ITSN1: variants seen among roughly 807,000 people sequenced by gnomAD.
ITSN1 encodes the protein intersectin-1.
In ITSN1, 58 loss-of-function variants were observed where a neutral mutation model predicts 239.8. That is an observed-to-expected ratio of 0.24 (90% confidence interval 0.20 to 0.30). The LOEUF is 0.30. Among genes scored for constraint, ITSN1 ranks in the 10% least tolerant of loss-of-function variants. The pLI, the probability that ITSN1 is intolerant of heterozygous loss-of-function variation, is 1.00. For synonymous variants in ITSN1, 780 were observed against 770.8 expected, an observed-to-expected ratio of 1.01 and a Z score of -0.20; for missense variants, 1,558 against 2,103.3, an observed-to-expected ratio of 0.74 and a Z score of 5.07.
At chr21:33,708,435 CTGGAG>C (rs913720014) in intron 1 of ITSN1, among the ~76,000 whole-genome samples, 1 of 151,930 alleles carries the variant, frequency 6.6e-6, no homozygotes, top group African/African-American at 2.4e-5. Context: ...GTTGCCCAGG[CTGGAG>C]TGCAATGGCG....
At chr21:33,644,614 G>A (rs975848329) in intron 1 of ITSN1, among the ~76,000 whole-genome samples, 2 of 151,750 alleles carry the variant, frequency 1.3e-5, no homozygotes, top group African/African-American at 4.8e-5. Flanking sequence ...TAAAATGAGT[G>A]GTAGCAAGTT....
chr21:33,672,194 G>T (rs1360649297), intron 1 of ITSN1, among the ~76,000 whole-genome samples: 1 of 151,878 alleles, frequency 6.6e-6, no homozygotes, highest in Non-Finnish European at 1.5e-5. Flanking sequence ...GGTGAGCTGG[G>T]CAACAAGAGC....
At chr21:33,790,004 T>C (rs2070980593) in intron 16 of ITSN1, among the ~76,000 whole-genome samples, 1 of 152,204 alleles carries the variant, frequency 6.6e-6, no homozygotes, top group South Asian at 2.1e-4. Flanking sequence ...TAAAAGCAAG[T>C]TGATTTTCGT....
intron 9 of ITSN1, among the ~76,000 whole-genome samples, chr21:33,765,299 C>T (rs574593014): frequency 6.6e-6 from 1 of 152,208 alleles, no homozygotes; most frequent in South Asian, 2.1e-4. Flanking sequence ...CAGGACAGAT[C>T]AGCCTGGGCA....
At chr21:33,702,504 A>G (rs1320963502) in intron 1 of ITSN1, among the ~76,000 whole-genome samples, 1 of 152,226 alleles carries the variant, frequency 6.6e-6, no homozygotes, top group African/African-American at 2.4e-5. Context: ...TTACAGTTTA[A>G]TTATTTGATA....
chr21:33,833,194 G>T (rs2074395975), intron 27 of ITSN1, among the ~76,000 whole-genome samples: 1 of 152,136 alleles, frequency 6.6e-6, no homozygotes, highest in Non-Finnish European at 1.5e-5. Flanking sequence ...GGTTTATAGG[G>T]ACAGTCATCT....
chr21:33,866,627 T>C (rs1981642718), intron 32 of ITSN1, among the ~76,000 whole-genome samples: 1 of 152,168 alleles, frequency 6.6e-6, no homozygotes, highest in Non-Finnish European at 1.5e-5. Flanking sequence ...TTATCAGGTC[T>C]CAGGGCTCCA....
Position 33,881,397 on chromosome 21 carries a change from ACT to A in ITSN1, c.4342-843_4342-842del, listed in dbSNP as rs567729636. 2.5e-4 allele frequency among the ~76,000 whole-genome samples: 34 copies of A among 133,808 alleles called. No individual in the cohort carries two copies. The South Asian group carries it at 5.5e-3, about 21-fold the overall frequency. 87.8% of individuals were successfully genotyped at this position (133,808 alleles called of 152,430 possible). ...ACTCCAGCCTGGGCGACAGAGTGAG[ACT>A]CTGTCTCAAAAAAAAAAAAAAAAAA... is the stretch of plus-strand genomic sequence containing the variant. On this transcript the variant is annotated intron_variant, in intron 34 of 39. Transcript: ENST00000381318.
chr21:33,779,859 A>T (rs1298527075), intron 14 of ITSN1, among the ~76,000 whole-genome samples: 1 of 152,018 alleles, frequency 6.6e-6, no homozygotes, highest in Non-Finnish European at 1.5e-5. Context: ...TTTGAGACAA[A>T]GTCTCACTGT....
intron 16 of ITSN1, among the ~76,000 whole-genome samples, chr21:33,789,443 T>C (rs2070931729): frequency 6.6e-6 from 1 of 152,160 alleles, no homozygotes; most frequent in African/African-American, 2.4e-5. Flanking sequence ...ATTTAAGTAA[T>C]TAAGTTATGT....
In ITSN1 at chr21:33,898,845, G is replaced by A. The variant is rs1172550178; in HGVS notation, c.*10545G>A. On this transcript the variant is annotated 3_prime_UTR_variant, in exon 40 of 40. Coordinates refer to ENST00000381318, the MANE Select transcript of ITSN1 (RefSeq NM_003024.3). ...CGAACCAGTAAAGCTGCTGACTTCA[G>A]GAGTATGGGAAGCTGTGATTTCTGG... 1.3e-5 allele frequency: 2 copies of A among 152,234 alleles called. No individual in the cohort carries two copies. Among genetic ancestry groups the A allele is most frequent in the African/African-American group, 4.8e-5 (2 of 41,450 alleles). 9.4% of individuals were successfully genotyped at this position (152,234 alleles called of 1,614,324 possible).
intron 25 of ITSN1, among the ~76,000 whole-genome samples, chr21:33,825,007 T>C (rs1036929513): frequency 2.6e-5 from 4 of 152,222 alleles, no homozygotes; most frequent in Non-Finnish European, 4.4e-5. Flanking sequence ...ATACAGATGA[T>C]ATTTCAGGGG....
At chr21:33,805,973 G>A (rs1472063299) in intron 20 of ITSN1, among the ~76,000 whole-genome samples, 2 of 147,366 alleles carry the variant, frequency 1.4e-5, no homozygotes, top group Non-Finnish European at 3.0e-5. Flanking sequence ...GGAGGCCGAT[G>A]TGGGCGGATC....
chr21:33,868,380 C>T (rs1376189123), intron 33 of ITSN1, among the ~76,000 whole-genome samples: 1 of 152,208 alleles, frequency 6.6e-6, no homozygotes, highest in Non-Finnish European at 1.5e-5. Flanking sequence ...CGGCGCTCGT[C>T]GGGGAGGCTC....
intron 39 of ITSN1, 83 bp downstream of exon 39, chr21:33,886,543 G>C (rs1475295472): frequency 1.6e-6 from 2 of 1,247,576 alleles, no homozygotes; most frequent in Non-Finnish European, 2.2e-6. Context: ...CTGGGGACTT[G>C]GTGCCAGGAT....
intron 1 of ITSN1, among the ~76,000 whole-genome samples, chr21:33,658,897 A>T (rs147174994): frequency 3.5e-4 from 53 of 152,162 alleles, no homozygotes; most frequent in Non-Finnish European, 6.3e-4. Context: ...GAGTGGTGGG[A>T]GTGTCTTCTT....
chr21:33,657,964 C>T (rs958392094), intron 1 of ITSN1, among the ~76,000 whole-genome samples: 2 of 152,162 alleles, frequency 1.3e-5, no homozygotes, highest in East Asian at 1.9e-4. Flanking sequence ...CCAGCCTGAG[C>T]GACAGAGCCA....
intron 8 of ITSN1, among the ~76,000 whole-genome samples, chr21:33,761,468 G>A (rs1013854855): frequency 2.6e-5 from 4 of 151,892 alleles, no homozygotes; most frequent in African/African-American, 9.7e-5. Flanking sequence ...TCTCTCCGAG[G>A]TCCCTTCCTC....
At chr21:33,844,722 C>T (rs565720884) in intron 29 of ITSN1, among the ~76,000 whole-genome samples, 3 of 152,186 alleles carry the variant, frequency 2.0e-5, no homozygotes, top group South Asian at 2.1e-4. Context: ...GCCTGCAGTC[C>T]GCCCCAGCAG....
Sources: allele counts gnomAD v4.1 joint callset (sites outside exome capture counted in the v4.1 genomes callset), GRCh38; gene constraint gnomAD v4.1.1; transcripts MANE v1.5; gene names NCBI Gene and HGNC (gene_info 2026-07-23, HGNC 2026-07-21).